The following MAGI2 variants were observed in gnomAD, a reference collection of about 807,000 sequenced individuals.
The protein encoded by MAGI2 is membrane-associated guanylate kinase, WW and PDZ domain-containing protein 2.
A neutral mutation model predicts 133.3 loss-of-function variants in MAGI2; 35 were observed. That is an observed-to-expected ratio of 0.26 (90% CI 0.20 to 0.35). The LOEUF (loss-of-function observed/expected upper bound fraction) is 0.35, where lower values mean the gene tolerates loss of function less well. MAGI2 is among the 10% of genes least tolerant of loss of function. The pLI, the probability that MAGI2 is intolerant of heterozygous loss-of-function variation, is 1.00. For synonymous variants in MAGI2, 729 were observed against 710.6 expected, an observed-to-expected ratio of 1.03 and a Z score of -0.41; for missense variants, 1,636 against 1,863.4, an observed-to-expected ratio of 0.88 and a Z score of 2.25.
At chr7:79,003,060 T>C (rs902866114) in intron 2 of MAGI2, among the ~76,000 whole-genome samples, 1 of 152,024 alleles carries the variant, frequency 6.6e-6, no homozygotes, top group Admixed American at 6.6e-5. Context: ...AGTGGAGACC[T>C]AGACTAACCA....
At chr7:79,172,532 A>G (rs1825716799) in intron 1 of MAGI2, among the ~76,000 whole-genome samples, 1 of 152,108 alleles carries the variant, frequency 6.6e-6, no homozygotes, top group Non-Finnish European at 1.5e-5. Flanking sequence ...CTATTGATAT[A>G]TCATGTTAAT....
intron 1 of MAGI2, among the ~76,000 whole-genome samples, chr7:79,254,449 T>A (rs1036473540): frequency 4.6e-5 from 7 of 152,202 alleles, no homozygotes; most frequent in African/African-American, 1.4e-4. Flanking sequence ...CTGAATATGT[T>A]TTTAAAAAGT....
intron 3 of MAGI2, among the ~76,000 whole-genome samples, chr7:78,624,455 A>G (rs1196558430): frequency 6.6e-6 from 1 of 152,152 alleles, no homozygotes; most frequent in East Asian, 1.9e-4. Flanking sequence ...ACCATGGAAT[A>G]CTATGCAGCC....
chr7:78,019,510 G>C lies in MAGI2; in HGVS notation c.4173C>G (p.Gly1391=), dbSNP rs1808087339. 2 of 980,252 alleles carry C rather than the reference G, an allele frequency of 2.0e-6. No homozygotes were observed. The highest frequency in any genetic ancestry group is 2.4e-6 in the Non-Finnish European group (2 of 828,206). The allele number at this position is 980,252 out of a possible 1,614,324, so 60.7% of individuals were successfully genotyped here. A position where few individuals can be genotyped will look rare whatever the true frequency, so the allele number is the denominator to read the frequency against. The change falls in exon 22 of 22, where the codon GGC becomes GGG. Residue 1391 remains glycine, a synonymous_variant. Coordinates refer to ENST00000354212, the MANE Select transcript of MAGI2 (RefSeq NM_012301.4). ...EGPGAAPAFA[G]PGGGGSGALE... is the part of the protein sequence containing the mutation. ...GCGCGCCGCTGCCGCCGCCGCCCGG[G>C]CCGGCAAACGCCGGCGCAGCCCCCG...
chr7:78,183,775 C>G (rs1827423081), intron 13 of MAGI2, among the ~76,000 whole-genome samples: 1 of 152,142 alleles, frequency 6.6e-6, no homozygotes, highest in Admixed American at 6.5e-5. Context: ...GCCATCTTGT[C>G]TAGGTTGGTT....
At chr7:78,664,579 T>C (rs1376691113) in intron 2 of MAGI2, among the ~76,000 whole-genome samples, 3 of 152,010 alleles carry the variant, frequency 2.0e-5, no homozygotes. Flanking sequence ...TTGGTATAAA[T>C]CTTGGAATCA....
At chr7:78,051,196 A>G (rs1811966824) in intron 21 of MAGI2, among the ~76,000 whole-genome samples, 1 of 152,230 alleles carries the variant, frequency 6.6e-6, no homozygotes, top group Non-Finnish European at 1.5e-5. Context: ...CAAAGATGTC[A>G]TGGGCTTCAG....
intron 3 of MAGI2, among the ~76,000 whole-genome samples, chr7:78,595,136 A>G (rs1804461285): frequency 6.8e-6 from 1 of 147,024 alleles, no homozygotes; most frequent in South Asian, 2.1e-4. Flanking sequence ...AGGAATAAGC[A>G]GCCCGACCCT....
chr7:79,384,387 C>G (rs1023635914), intron 1 of MAGI2, among the ~76,000 whole-genome samples: 3 of 151,350 alleles, frequency 2.0e-5, no homozygotes, highest in African/African-American at 4.8e-5. Flanking sequence ...GTTCTGTGAA[C>G]TATTTTTTTA....
chr7:78,385,230 G>A (rs952193736), intron 6 of MAGI2, among the ~76,000 whole-genome samples: 7 of 152,138 alleles, frequency 4.6e-5, no homozygotes, highest in Admixed American at 3.9e-4. Flanking sequence ...GATTGTCAAC[G>A]TGATTTGGGT....
In MAGI2 at chr7:78,799,849, T is replaced by A. The variant is rs192114472; in HGVS notation, c.419-172610A>T. 1.0e-3 allele frequency among the ~76,000 whole-genome samples: 159 copies of A among 152,290 alleles called. 1 individual carries two copies. Among genetic ancestry groups the A allele is most frequent in the Non-Finnish European group, 1.2e-3 (85 of 68,024 alleles). On this transcript the variant is annotated intron_variant, in intron 2 of 21. Coordinates refer to ENST00000354212, the MANE Select transcript of MAGI2 (RefSeq NM_012301.4). Reference sequence around the variant, plus strand: ...CCAGCTCCCTGTGGGATCACCTTTTTTCCATAGAACATTTTTAAAGTATTA... The same window carrying A: ...CCAGCTCCCTGTGGGATCACCTTTTATCCATAGAACATTTTTAAAGTATTA...
At chr7:78,770,507 CACAATA>C in intron 2 of MAGI2, among the ~76,000 whole-genome samples, 1 of 152,216 alleles carries the variant, frequency 6.6e-6, no homozygotes, top group African/African-American at 2.4e-5. Flanking sequence ...GTTTACATTT[CACAATA>C]ACCTAATCAT....
intron 1 of MAGI2, among the ~76,000 whole-genome samples, chr7:79,110,746 G>C (rs1430370376): frequency 6.6e-6 from 1 of 152,152 alleles, no homozygotes; most frequent in African/African-American, 2.4e-5. Flanking sequence ...TAATAATATA[G>C]TTTGGATATC....
At chr7:78,295,675 T>G (rs1438433377) in intron 9 of MAGI2, among the ~76,000 whole-genome samples, 1 of 152,158 alleles carries the variant, frequency 6.6e-6, no homozygotes, top group Admixed American at 6.6e-5. Context: ...TGTTCATACT[T>G]TTAGTCCATA....
intron 1 of MAGI2, among the ~76,000 whole-genome samples, chr7:79,118,690 C>T (rs1002333766): frequency 1.3e-5 from 2 of 152,074 alleles, no homozygotes; most frequent in Admixed American, 1.3e-4. Context: ...TCTCAGAAAT[C>T]CAAGGCCTTT....
At position 78,423,586 on chromosome 7, in the gene MAGI2, C is replaced by T. The variant is rs1007024074; in HGVS notation, c.1046-54373G>A. Among the ~76,000 whole-genome samples, 72 of 152,146 alleles carry T rather than the reference C, an allele frequency of 4.7e-4. 1 individual carries two copies. Among genetic ancestry groups the T allele is most frequent in the African/African-American group, 1.6e-3 (66 of 41,506 alleles). Reference sequence around the variant, plus strand: ...GAGGACTCAGAAGAAGATAGGAAAACGTGGGAAAGTTTGGAACTTCCTAGA... The same window carrying T: ...GAGGACTCAGAAGAAGATAGGAAAATGTGGGAAAGTTTGGAACTTCCTAGA... On this transcript the variant is annotated intron_variant, in intron 6 of 21. Transcript: ENST00000354212.
chr7:78,076,412 T>TCACAC (rs1266018780), intron 21 of MAGI2, among the ~76,000 whole-genome samples: 1 of 128,362 alleles, frequency 7.8e-6, no homozygotes, highest in Non-Finnish European at 1.5e-5. Context: ...TGAACCAAGA[T>TCACAC]CACACCACTC....
chr7:78,144,043 C>G (rs966145991), intron 16 of MAGI2, among the ~76,000 whole-genome samples: 1 of 151,650 alleles, frequency 6.6e-6, no homozygotes, highest in African/African-American at 2.4e-5. Context: ...ATTTAAGAGA[C>G]TTATAGCAAG....
In MAGI2 at chr7:78,702,725, G is replaced by A. The variant is rs146991787; in HGVS notation, c.419-75486C>T. Among the ~76,000 whole-genome samples the A allele has an allele frequency of 1.7e-3, 256 of 152,104 alleles. 2 individuals carry two copies. Among genetic ancestry groups the A allele is most frequent in the African/African-American group, 5.7e-3 (235 of 41,532 alleles). The stretch of plus-strand genomic sequence containing the variant: ...GATTAGATTTGGAGGTAGAAAGGAA[G>A]CATCTATTATAAATTCCAGGAGCAT... On this transcript the variant is annotated intron_variant, in intron 2 of 21. Coordinates refer to ENST00000354212, the MANE Select transcript of MAGI2 (RefSeq NM_012301.4).
Sources: gnomAD v4.1 joint callset for allele counts (sites outside exome capture counted in the v4.1 genomes callset) on GRCh38, gnomAD v4.1.1 for gene constraint, MANE v1.5 for transcripts, NCBI Gene and HGNC (gene_info 2026-07-23, HGNC 2026-07-21) for gene names.